Variants in NTRK3 observed in about 807,000 individuals in gnomAD.
The protein encoded by NTRK3 is neurotrophic receptor tyrosine kinase 3.
Under a neutral mutation model 91.7 loss-of-function variants are expected in NTRK3, and 24 were observed. The ratio of observed to expected loss-of-function variants is 0.26; its 90% CI spans 0.19 to 0.37. NTRK3 has a LOEUF of 0.37. Among genes scored for constraint, NTRK3 ranks in the 10% least tolerant of loss-of-function variants. The pLI is 1.00. For synonymous variants in NTRK3, 483 were observed against 404.0 expected, an observed-to-expected ratio of 1.20 and a Z score of -2.34; for missense variants, 880 against 1,068.9, an observed-to-expected ratio of 0.82 and a Z score of 2.46.
At chr15:87,920,009 G>C (rs2067744640) in intron 17 of NTRK3, among the ~76,000 whole-genome samples, 1 of 152,076 alleles carries the variant, frequency 6.6e-6, no homozygotes, top group Non-Finnish European at 1.5e-5. Context: ...TTCAACAGAA[G>C]GCAAAACCCC....
intron 14 of NTRK3, among the ~76,000 whole-genome samples, chr15:87,947,175 G>T (rs938457536): frequency 7.2e-5 from 11 of 151,970 alleles, no homozygotes; most frequent in African/African-American, 2.7e-4. Context: ...CACCGTGCCC[G>T]GCCCTACAAG....
At chr15:88,068,956 G>A (rs543956457) in intron 13 of NTRK3, among the ~76,000 whole-genome samples, 1 of 152,170 alleles carries the variant, frequency 6.6e-6, no homozygotes, top group East Asian at 1.9e-4. Flanking sequence ...GGAAGAAAGA[G>A]AGGTAGGTAC....
chr15:88,211,567 T>C (rs2049250261), intron 3 of NTRK3, among the ~76,000 whole-genome samples: 1 of 152,254 alleles, frequency 6.6e-6, no homozygotes, highest in African/African-American at 2.4e-5. Context: ...AGAGAAGATG[T>C]AATATAAAAT....
intron 13 of NTRK3, among the ~76,000 whole-genome samples, chr15:88,053,286 G>C (rs1398371825): frequency 6.6e-6 from 1 of 152,188 alleles, no homozygotes; most frequent in Non-Finnish European, 1.5e-5. Context: ...GGAGTTCAGA[G>C]ATTCAAAGGG....
intron 13 of NTRK3, among the ~76,000 whole-genome samples, chr15:88,116,492 GC>G (rs2052090755): frequency 6.6e-6 from 1 of 152,014 alleles, no homozygotes; most frequent in Non-Finnish European, 1.5e-5. Context: ...CAAAATCCCA[GC>G]CTATAGACCT....
At chr15:87,885,031 A>G (rs971610251) in intron 17 of NTRK3, among the ~76,000 whole-genome samples, 3 of 151,946 alleles carry the variant, frequency 2.0e-5, no homozygotes, top group Non-Finnish European at 3.0e-5. Flanking sequence ...ACAATTAACG[A>G]AAAAGCAGTT....
intron 14 of NTRK3, among the ~76,000 whole-genome samples, chr15:87,992,728 A>G (rs2075387322): frequency 6.6e-6 from 1 of 152,260 alleles, no homozygotes; most frequent in African/African-American, 2.4e-5. Flanking sequence ...AGAGATGCTC[A>G]GTAATTCATG....
chr15:87,985,431 C>T (rs2074678787), intron 14 of NTRK3, among the ~76,000 whole-genome samples: 1 of 152,210 alleles, frequency 6.6e-6, no homozygotes, highest in Non-Finnish European at 1.5e-5. Context: ...ATAACAAACA[C>T]ATTTCAAAGG....
chr15:88,115,257 C>A (rs1281779138), intron 13 of NTRK3, among the ~76,000 whole-genome samples: 1 of 152,238 alleles, frequency 6.6e-6, no homozygotes, highest in African/African-American at 2.4e-5. Context: ...ACAGCTCCCT[C>A]AGGTTGGCAT....
At chr15:87,863,278 C>T (rs1257458756) in exon 19 of NTRK3, 3 of 225,186 alleles carry the variant, frequency 1.3e-5, no homozygotes, top group East Asian at 1.3e-4. Context: ...GTTGAGGCTC[C>T]GGTAGATAGG....
chr15:88,172,463 AT>A (rs2045608840), intron 5 of NTRK3, among the ~76,000 whole-genome samples: 1 of 152,218 alleles, frequency 6.6e-6, no homozygotes, highest in Middle Eastern at 3.2e-3. Flanking sequence ...ACAGTGTCTA[AT>A]CCCCAAGACT....
chr15:88,004,290 A>C lies in NTRK3; in HGVS notation c.1585+28567T>G, dbSNP rs549732706. Among the ~76,000 whole-genome samples, 4 of 152,328 alleles carry C rather than the reference A, an allele frequency of 2.6e-5. No homozygotes were observed. The East Asian group carries it at 5.8e-4, about 22-fold the overall frequency. ...ATGATCCTAAGCTATTCCAGGTAAT[A>C]TAAAACTAAAACAAAAGTTATAAAC... On this transcript the variant is annotated intron_variant, in intron 14 of 18. Coordinates refer to ENST00000394480, the Ensembl canonical transcript of NTRK3.
At position 87,982,732 on chromosome 15, in the gene NTRK3, G is replaced by A. The variant is rs866921920; in HGVS notation, c.1586-41979C>T. On this transcript the variant is annotated intron_variant, in intron 14 of 18. Transcript: ENST00000394480. ...TCAAGAGCTGGTTGAATCTCTAAAG[G>A]CAAGTCCTTTATATTGACTGCAGCA... is the stretch of plus-strand genomic sequence containing the variant. 1.5e-4 allele frequency among the ~76,000 whole-genome samples: 23 copies of A among 152,290 alleles called. 1 individual carries two copies. The South Asian group carries it at 2.3e-3, about 15-fold the overall frequency.
rs373871787 is a variant in NTRK3, at chr15:88,035,941, T to C, written c.1397-2896A>G. Among the ~76,000 whole-genome samples the C allele has an allele frequency of 3.3e-5, 5 of 151,682 alleles. No homozygotes were observed. In the East Asian group the frequency reaches 9.7e-4, roughly 30 times the overall value. ...GAGAGTGGAAGATAAAGCCAAGAAA[T>C]CTTCCAGAAAATTAAACAAAGAGGA... is the stretch of plus-strand genomic sequence containing the variant. On this transcript the variant is annotated intron_variant, in intron 13 of 18. Transcript: ENST00000394480.
chr15:87,906,160 A>G (rs931228449), intron 17 of NTRK3, among the ~76,000 whole-genome samples: 3 of 152,206 alleles, frequency 2.0e-5, no homozygotes, highest in Non-Finnish European at 4.4e-5. Context: ...TCCTGGCTCC[A>G]CTATTTTCTA....
chr15:88,075,014 T>C (rs1341375727), intron 13 of NTRK3, among the ~76,000 whole-genome samples: 1 of 152,230 alleles, frequency 6.6e-6, no homozygotes, highest in Non-Finnish European at 1.5e-5. Flanking sequence ...GTCTGACCTG[T>C]AAGCTCCAGG....
At chr15:87,952,243 AAGAAAG>A (rs2071196054) in intron 14 of NTRK3, among the ~76,000 whole-genome samples, 1 of 151,774 alleles carries the variant, frequency 6.6e-6, no homozygotes, top group African/African-American at 2.4e-5. Flanking sequence ...AGAAAAGAAA[AAGAAAG>A]AAAGAGAAAG....
intron 3 of NTRK3, among the ~76,000 whole-genome samples, chr15:88,200,513 A>G (rs1236531674): frequency 6.6e-6 from 1 of 152,154 alleles, no homozygotes; most frequent in African/African-American, 2.4e-5. Flanking sequence ...TAATTGAATC[A>G]TGGGGCAATT....
chr15:88,004,837 G>A (rs995843878), intron 14 of NTRK3, among the ~76,000 whole-genome samples: 1 of 152,184 alleles, frequency 6.6e-6, no homozygotes, highest in Admixed American at 6.5e-5. Flanking sequence ...ATTGGCTCAA[G>A]TGAATGATGG....
Sources: allele counts gnomAD v4.1 joint callset (sites outside exome capture counted in the v4.1 genomes callset), GRCh38; gene constraint gnomAD v4.1.1; transcripts MANE v1.5; gene names NCBI Gene and HGNC (gene_info 2026-07-23, HGNC 2026-07-21).